ANKS1B: variants seen among roughly 807,000 people sequenced by gnomAD.
ANKS1B encodes the protein ankyrin repeat and sterile alpha motif domain-containing protein 1B.
ANKS1B carries 36 observed loss-of-function variants against 148.3 expected under a neutral mutation model. The observed-to-expected ratio is 0.24, with a 90% CI of 0.19 to 0.32. The LOEUF (loss-of-function observed/expected upper bound fraction) is 0.32. Ranked by LOEUF, ANKS1B falls within the 10% of genes least tolerant of loss-of-function variation. The probability of loss-of-function intolerance (pLI) is 1.00; values close to 1 mark genes in which losing one functional copy is unlikely to be tolerated. For missense variants in ANKS1B, 1,157 were observed against 1,542.6 expected, an observed-to-expected ratio of 0.75 and a Z score of 4.19; for synonymous variants, 542 against 560.8, an observed-to-expected ratio of 0.97 and a Z score of 0.47.
chr12:99,474,915 A>G (rs1420008376), intron 10 of ANKS1B, among the ~76,000 whole-genome samples: 1 of 152,022 alleles, frequency 6.6e-6, no homozygotes, highest in Non-Finnish European at 1.5e-5. Context: ...TGTTGATTAC[A>G]TGATTATATA....
chr12:99,968,761 C>T (rs972760387), intron 1 of ANKS1B, among the ~76,000 whole-genome samples: 2 of 152,150 alleles, frequency 1.3e-5, no homozygotes, highest in African/African-American at 4.8e-5. Flanking sequence ...GAGTGGACCC[C>T]TCATGAACGG....
chr12:98,953,581 CT>C (rs1421061025), intron 17 of ANKS1B, among the ~76,000 whole-genome samples: 1 of 92,158 alleles, frequency 1.1e-5, no homozygotes, highest in Non-Finnish European at 1.8e-5. Flanking sequence ...AGGATTACCT[CT>C]TTCTCTAGAG....
intron 12 of ANKS1B, among the ~76,000 whole-genome samples, chr12:99,369,552 A>G (rs1459399101): frequency 3.9e-5 from 6 of 152,172 alleles, no homozygotes; most frequent in Non-Finnish European, 8.8e-5. Flanking sequence ...GCTAGATGAA[A>G]TAGGCTGATT....
At chr12:98,973,835 T>C (rs763574554) in intron 17 of ANKS1B, among the ~76,000 whole-genome samples, 2 of 152,148 alleles carry the variant, frequency 1.3e-5, no homozygotes, top group Non-Finnish European at 2.9e-5. Context: ...TCTATATCTA[T>C]CACAGATATA....
chr12:99,514,836 C>G, intron 9 of ANKS1B, among the ~76,000 whole-genome samples: 1 of 152,012 alleles, frequency 6.6e-6, no homozygotes. Context: ...CACAGATTAA[C>G]TGCCAACATA....
intron 8 of ANKS1B, among the ~76,000 whole-genome samples, chr12:99,714,988 G>T (rs2057117846): frequency 6.6e-6 from 1 of 151,796 alleles, no homozygotes; most frequent in African/African-American, 2.4e-5. Context: ...AATTAGCTGG[G>T]CATGGTGGCA....
intron 25 of ANKS1B, among the ~76,000 whole-genome samples, chr12:98,767,842 C>T (rs1283605269): frequency 6.6e-6 from 1 of 152,234 alleles, no homozygotes; most frequent in Non-Finnish European, 1.5e-5. Context: ...TTGTCTCTCT[C>T]TCTCACCTAT....
At chr12:99,085,624 C>G (rs2051437122) in intron 15 of ANKS1B, among the ~76,000 whole-genome samples, 1 of 152,080 alleles carries the variant, frequency 6.6e-6, no homozygotes, top group African/African-American at 2.4e-5. Flanking sequence ...AAATGCCCAT[C>G]AGTGATAGCC....
intron 4 of ANKS1B, among the ~76,000 whole-genome samples, chr12:99,784,626 T>C (rs1453187734): frequency 6.6e-6 from 1 of 152,204 alleles, no homozygotes; most frequent in Non-Finnish European, 1.5e-5. Context: ...ATAAGAACCA[T>C]GTGGAGAAAC....
At chr12:99,731,397 G>A (rs2059132428) in intron 8 of ANKS1B, among the ~76,000 whole-genome samples, 3 of 149,994 alleles carry the variant, frequency 2.0e-5, no homozygotes, top group Admixed American at 6.7e-5. Context: ...GGGATTATAG[G>A]CGTGAACCAC....
At chr12:98,971,077 G>C (rs1204034609) in intron 17 of ANKS1B, among the ~76,000 whole-genome samples, 1 of 152,198 alleles carries the variant, frequency 6.6e-6, no homozygotes, top group African/African-American at 2.4e-5. Flanking sequence ...CAGGAGACTT[G>C]AGTTGAAATC....
At chr12:99,218,798 A>G (rs1407366562) in intron 14 of ANKS1B, among the ~76,000 whole-genome samples, 1 of 152,226 alleles carries the variant, frequency 6.6e-6, no homozygotes, top group Non-Finnish European at 1.5e-5. Flanking sequence ...CAAGCTCATA[A>G]TAAGTGCCAA....
At chr12:99,255,785 T>C (rs564736944) in intron 12 of ANKS1B, among the ~76,000 whole-genome samples, 1 of 152,332 alleles carries the variant, frequency 6.6e-6, no homozygotes, top group Admixed American at 6.5e-5. Flanking sequence ...TATGGGAATC[T>C]TAATTTAACT....
At chr12:99,865,108 T>C (rs558895223) in intron 1 of ANKS1B, among the ~76,000 whole-genome samples, 17 of 152,370 alleles carry the variant, frequency 1.1e-4, no homozygotes, top group African/African-American at 4.1e-4. Context: ...GTCCTACACA[T>C]GCAAATAATA....
At chr12:99,500,916 A>G (rs1377592622) in intron 10 of ANKS1B, among the ~76,000 whole-genome samples, 1 of 151,948 alleles carries the variant, frequency 6.6e-6, no homozygotes, top group Non-Finnish European at 1.5e-5. Flanking sequence ...CTTCTCTTTC[A>G]TATTTTCCAC....
At position 99,352,495 on chromosome 12, in the gene ANKS1B, A is replaced by G. The variant is rs184676471; in HGVS notation, c.1756+47136T>C. ...AAACCACACTGACTTGAGTTCTGGC[A>G]TAACTACCTCACTGCAGGCAACAAA... is the stretch of plus-strand genomic sequence containing the variant. On this transcript the variant is annotated intron_variant, in intron 12 of 26. Coordinates refer to ENST00000683438, the MANE Select transcript of ANKS1B (RefSeq NM_001352186.2). Among the ~76,000 whole-genome samples, 138 of 152,210 alleles carry G rather than the reference A, an allele frequency of 9.1e-4. 1 individual carries two copies. The highest frequency in any genetic ancestry group is 2.1e-4 in the South Asian group (1 of 4,826).
chr12:98,786,304 C>A (rs2098794116), intron 22 of ANKS1B, among the ~76,000 whole-genome samples: 1 of 152,186 alleles, frequency 6.6e-6, no homozygotes, highest in Non-Finnish European at 1.5e-5. Flanking sequence ...GCAGTCTTCT[C>A]TTTAAGCACT....
At chr12:98,753,478 A>G (rs2098147055) in intron 25 of ANKS1B, among the ~76,000 whole-genome samples, 1 of 151,988 alleles carries the variant, frequency 6.6e-6, no homozygotes, top group Non-Finnish European at 1.5e-5. Context: ...CCCAGGCTGG[A>G]GTGCAATGGC....
At chr12:98,767,250 C>G (rs1206529414) in intron 25 of ANKS1B, among the ~76,000 whole-genome samples, 3 of 152,196 alleles carry the variant, frequency 2.0e-5, no homozygotes, top group Admixed American at 2.0e-4. Flanking sequence ...TTGCCCCACA[C>G]TTTGGCTGGC....
Sources: gnomAD v4.1 joint callset for allele counts (sites outside exome capture counted in the v4.1 genomes callset) on GRCh38, gnomAD v4.1.1 for gene constraint, MANE v1.5 for transcripts, NCBI Gene and HGNC (gene_info 2026-07-23, HGNC 2026-07-21) for gene names.